The following SESTD1 variants were observed in gnomAD, a reference collection of about 807,000 sequenced individuals.
The protein encoded by SESTD1 is SEC14 and spectrin domain containing 1.
Under a neutral mutation model 101.7 loss-of-function variants are expected in SESTD1, and 43 were observed. The observed-to-expected ratio is 0.42, with a 90% CI of 0.33 to 0.55. The LOEUF (loss-of-function observed/expected upper bound fraction) is 0.55. Ranked by LOEUF, SESTD1 falls within the 20% of genes least tolerant of loss-of-function variation. The pLI, the probability that SESTD1 is intolerant of heterozygous loss-of-function variation, is 0.07. For missense variants in SESTD1, 647 were observed against 815.1 expected, an observed-to-expected ratio of 0.79 and a Z score of 2.51; for synonymous variants, 283 against 286.8, an observed-to-expected ratio of 0.99 and a Z score of 0.13.
rs754881725 is a variant in SESTD1, at chr2:179,143,771, G to C, written c.670C>G (p.Arg224Gly). Residue 224 changes from arginine (R) to glycine (G), a missense_variant, in exon 9 of 18, where the codon CGA (arginine) becomes GGA (glycine). Transcript: ENST00000428443. ...HELLSELQQR[R>G]FNGSDGGVSW... ...ACCCCTCCGTCTGAGCCATTAAATC[G>C]ACGCTGCTGTAATTCGGACAACAAT... 9 of 1,613,784 alleles carry C rather than the reference G, an allele frequency of 5.6e-6. No individual in the cohort carries two copies. In the Admixed American group the frequency reaches 1.5e-4, roughly 27 times the overall value.
At chr2:179,218,984 A>G (rs1249643063) in intron 1 of SESTD1, among the ~76,000 whole-genome samples, 1 of 152,202 alleles carries the variant, frequency 6.6e-6, no homozygotes, top group Non-Finnish European at 1.5e-5. Context: ...GAATCCTAAC[A>G]TTGTCACAAC....
intron 2 of SESTD1, among the ~76,000 whole-genome samples, chr2:179,190,560 A>G (rs1321318026): frequency 6.6e-6 from 1 of 152,168 alleles, no homozygotes; most frequent in Non-Finnish European, 1.5e-5. Flanking sequence ...TAAACTAAAG[A>G]GCTTCTGCAC....
At chr2:179,198,099 A>G (rs1160632129) in intron 1 of SESTD1, among the ~76,000 whole-genome samples, 1 of 152,194 alleles carries the variant, frequency 6.6e-6, no homozygotes, top group Non-Finnish European at 1.5e-5. Flanking sequence ...GGCTCAAAAT[A>G]AAAGGATGGA....
intron 1 of SESTD1, among the ~76,000 whole-genome samples, chr2:179,249,248 C>T (rs554566691): frequency 6.1e-4 from 87 of 143,286 alleles, no homozygotes; most frequent in Non-Finnish European, 9.5e-4. Flanking sequence ...CCCCTATTTG[C>T]AAATAATTGC....
At chr2:179,218,610 G>A (rs2046759324) in intron 1 of SESTD1, among the ~76,000 whole-genome samples, 1 of 152,082 alleles carries the variant, frequency 6.6e-6, no homozygotes, top group Non-Finnish European at 1.5e-5. Context: ...GTACTTCTTA[G>A]AACAAAGCCC....
At chr2:179,146,858 T>C (rs1471377761) in intron 7 of SESTD1, among the ~76,000 whole-genome samples, 1 of 152,088 alleles carries the variant, frequency 6.6e-6, no homozygotes, top group Non-Finnish European at 1.5e-5. Flanking sequence ...TTTATTTACC[T>C]ACAGCAATCT....
intron 1 of SESTD1, among the ~76,000 whole-genome samples, chr2:179,257,695 G>C (rs1342891158): frequency 6.6e-6 from 1 of 152,100 alleles, no homozygotes; most frequent in Non-Finnish European, 1.5e-5. Context: ...ATGGTGCCAA[G>C]AAAAAGGCTA....
chr2:179,136,072 G>A (rs901411338), intron 9 of SESTD1, among the ~76,000 whole-genome samples: 2 of 152,258 alleles, frequency 1.3e-5, no homozygotes, highest in Non-Finnish European at 2.9e-5. Context: ...GGTAAGCAGT[G>A]CGATATAAAG....
intron 1 of SESTD1, among the ~76,000 whole-genome samples, chr2:179,226,923 GA>G (rs2046895055): frequency 6.6e-6 from 1 of 152,144 alleles, no homozygotes; most frequent in African/African-American, 2.4e-5. Flanking sequence ...GGAAGCAGGA[GA>G]AAAAGGAAGG....
rs534729862 is a variant in SESTD1 at position 179,199,821 on chromosome 2, T to C, written c.-25-7955A>G. 2.4e-4 allele frequency among the ~76,000 whole-genome samples: 37 copies of C among 152,142 alleles called. No individual in the cohort carries two copies. The South Asian group carries it at 7.5e-3, about 31-fold the overall frequency. ...GGACATATTTCAAAATAATAAGAGC[T>C]ATCTATGGCAAAAACTGGAAGCATT... On this transcript the variant is annotated intron_variant, in intron 1 of 17. Transcript: ENST00000428443.
chr2:179,163,044 T>C (rs1003118645), intron 5 of SESTD1, among the ~76,000 whole-genome samples: 2 of 151,736 alleles, frequency 1.3e-5, no homozygotes, highest in Admixed American at 6.6e-5. Flanking sequence ...GAGATTGATA[T>C]ATTTCCGTCC....
Position 179,102,043 on chromosome 2 carries a change from T to C in SESTD1, c.*7856A>G, listed in dbSNP as rs1010433746. ...TATTTTAAATACAGCTTTGTTGTAATATGCCTCCTCCATCCCTAAATACAC... is the reference window on the plus strand; with the variant it reads ...TATTTTAAATACAGCTTTGTTGTAACATGCCTCCTCCATCCCTAAATACAC... On this transcript the variant is annotated 3_prime_UTR_variant, in exon 18 of 18. Coordinates refer to ENST00000428443, the MANE Select transcript of SESTD1 (RefSeq NM_178123.5). The C allele has an allele frequency of 6.6e-6, 1 of 152,156 alleles. No homozygotes were observed. The highest frequency in any genetic ancestry group is 2.4e-5 in the African/African-American group (1 of 41,436). The allele number at this position is 152,156 out of a possible 1,614,324, so 9.4% of individuals were successfully genotyped here. A position where few individuals can be genotyped will look rare whatever the true frequency, so the allele number is the denominator to read the frequency against.
chr2:179,195,763 G>A (rs935394679), intron 1 of SESTD1, among the ~76,000 whole-genome samples: 4 of 150,876 alleles, frequency 2.7e-5, no homozygotes, highest in Non-Finnish European at 5.9e-5. Flanking sequence ...GGTTACATAT[G>A]AAACAAGTTA....
intron 1 of SESTD1, among the ~76,000 whole-genome samples, chr2:179,217,975 T>G (rs1394499191): frequency 6.7e-6 from 1 of 149,888 alleles, no homozygotes; most frequent in Non-Finnish European, 1.5e-5. Context: ...CACTGGGGCC[T>G]GTTGGGGGTT....
chr2:179,200,571 G>A (rs1404223224), intron 1 of SESTD1, among the ~76,000 whole-genome samples: 2 of 152,064 alleles, frequency 1.3e-5, no homozygotes, highest in Non-Finnish European at 2.9e-5. Context: ...TACCAAAACA[G>A]AGATATAGAT....
rs977672111 is a variant in SESTD1 at position 179,209,243 on chromosome 2, G to A, written c.-25-17377C>T. 2.2e-5 allele frequency among the ~76,000 whole-genome samples: 3 copies of A among 134,164 alleles called. 1 individual carries two copies. Among genetic ancestry groups the A allele is most frequent in the Non-Finnish European group, 4.8e-5 (3 of 62,536 alleles). The allele number at this position is 134,164 out of a possible 152,430, so 88.0% of individuals were successfully genotyped here. On this transcript the variant is annotated intron_variant, in intron 1 of 17. Coordinates refer to ENST00000428443, the MANE Select transcript of SESTD1 (RefSeq NM_178123.5). ...ATAAAACAATTACTACTAGACCGAA[G>A]AAATGAGACACATGGCAACACAATA...
intron 17 of SESTD1, among the ~76,000 whole-genome samples, 177 bp downstream of exon 17, chr2:179,112,547 A>G (rs931373084): frequency 5.9e-5 from 9 of 152,236 alleles, no homozygotes; most frequent in African/African-American, 1.9e-4. Context: ...GGCAAGTACC[A>G]TTACTGTGGC....
Position 179,143,808 on chromosome 2 carries a change from AC to A in SESTD1, c.638-6del. 6.2e-7 allele frequency: 1 copy of A among 1,610,708 alleles called. No individual in the cohort carries two copies. The highest frequency in any genetic ancestry group is 8.5e-7 in the Non-Finnish European group (1 of 1,179,226). On this transcript the variant is annotated splice_region_variant and splice_polypyrimidine_tract_variant and intron_variant, in intron 8 of 17. Transcript: ENST00000428443. ...ATTCGGACAACAATTCATGCCCTTT[AC>A]AAATAAAAGATACTTGAAATTAATA... is the stretch of plus-strand genomic sequence containing the variant.
Position 179,203,352 on chromosome 2 carries a change from C to G in SESTD1, c.-25-11486G>C, listed in dbSNP as rs370122094. Among the ~76,000 whole-genome samples, 24 of 133,950 alleles carry G rather than the reference C, an allele frequency of 1.8e-4. 4 individuals carry two copies. The East Asian group carries it at 2.6e-3, about 15-fold the overall frequency. 87.9% of individuals were successfully genotyped at this position (133,950 alleles called of 152,430 possible). Reference sequence around the variant, plus strand: ...TCCCTTTAAAAACTGCAAAGCCGGCCCCAGGCAGTACCACCCATGACACCC... The same window carrying G: ...TCCCTTTAAAAACTGCAAAGCCGGCGCCAGGCAGTACCACCCATGACACCC... On this transcript the variant is annotated intron_variant, in intron 1 of 17. Transcript: ENST00000428443.
Sources: gnomAD v4.1 joint callset for allele counts (sites outside exome capture counted in the v4.1 genomes callset) on GRCh38, gnomAD v4.1.1 for gene constraint, MANE v1.5 for transcripts, NCBI Gene and HGNC (gene_info 2026-07-23, HGNC 2026-07-21) for gene names.